KIAA1217: variants seen among roughly 807,000 people sequenced by gnomAD.
KIAA1217 encodes the protein KIAA1217.
A neutral mutation model predicts 163.9 loss-of-function variants in KIAA1217; 88 were observed. That is an observed-to-expected ratio of 0.54 (90% CI 0.45 to 0.64). The LOEUF (loss-of-function observed/expected upper bound fraction) is 0.64. KIAA1217 is among the 30% of genes least tolerant of loss of function. KIAA1217 has a pLI of 0.00. For synonymous variants in KIAA1217, 903 were observed against 923.1 expected (o/e 0.98, Z 0.39); for missense variants, 2,372 against 2,475.0 (o/e 0.96, Z 0.88).
At chr10:24,498,647 C>T (rs891438452) in intron 8 of KIAA1217, among the ~76,000 whole-genome samples, 2 of 151,998 alleles carry the variant, frequency 1.3e-5, no homozygotes, top group African/African-American at 2.4e-5. Flanking sequence ...GGCAAAACCC[C>T]GTCTCTACAA....
intron 1 of KIAA1217, among the ~76,000 whole-genome samples, chr10:23,955,628 G>A (rs1374947225): frequency 3.3e-5 from 5 of 152,152 alleles, no homozygotes; most frequent in East Asian, 3.8e-4. Context: ...GGAAGGCTGC[G>A]GGTGATGATG....
intron 1 of KIAA1217, among the ~76,000 whole-genome samples, chr10:23,704,253 C>T: frequency 7.7e-6 from 1 of 130,540 alleles, no homozygotes; most frequent in East Asian, 2.3e-4. Flanking sequence ...GACCCCAGGG[C>T]TTCTTTTTTT....
At chr10:24,016,218 T>G (rs1462528806) in intron 2 of KIAA1217, among the ~76,000 whole-genome samples, 1 of 152,152 alleles carries the variant, frequency 6.6e-6, no homozygotes, top group African/African-American at 2.4e-5. Flanking sequence ...TATTCTTTCT[T>G]TCTGTGTATT....
chr10:24,388,037 AG>A (rs2054269723), intron 3 of KIAA1217, among the ~76,000 whole-genome samples: 1 of 152,246 alleles, frequency 6.6e-6, no homozygotes, highest in Non-Finnish European at 1.5e-5. Flanking sequence ...CTTTCTTCAC[AG>A]AATTGGAAAA....
At chr10:24,438,564 T>A in intron 5 of KIAA1217, 85 bp downstream of exon 5, 1 of 886,190 alleles carries the variant, frequency 1.1e-6, no homozygotes, top group Non-Finnish European at 1.9e-6. Flanking sequence ...TAATCAGAAC[T>A]CTACAACTGA....
chr10:23,959,369 A>T (rs1010081983), intron 1 of KIAA1217, among the ~76,000 whole-genome samples: 2 of 152,184 alleles, frequency 1.3e-5, no homozygotes, highest in Admixed American at 1.3e-4. Context: ...ATCTCAGTTT[A>T]AAAATTAGCC....
intron 4 of KIAA1217, among the ~76,000 whole-genome samples, chr10:24,437,866 C>A (rs1429080592): frequency 8.2e-6 from 1 of 121,428 alleles, no homozygotes; most frequent in Non-Finnish European, 1.7e-5. Flanking sequence ...TTTCTGGACT[C>A]CAGATACCTT....
At chr10:24,133,055 A>C (rs1186940691) in intron 2 of KIAA1217, among the ~76,000 whole-genome samples, 1 of 151,904 alleles carries the variant, frequency 6.6e-6, no homozygotes, top group Non-Finnish European at 1.5e-5. Context: ...GATGCATCTA[A>C]TATGGCCACT....
chr10:23,729,257 A>C (rs1264423472), intron 1 of KIAA1217, among the ~76,000 whole-genome samples: 1 of 152,228 alleles, frequency 6.6e-6, no homozygotes, highest in East Asian at 1.9e-4. Context: ...TGCTATAAAC[A>C]TCTGGGTAGA....
intron 2 of KIAA1217, among the ~76,000 whole-genome samples, chr10:24,237,044 A>C (rs2072380993): frequency 6.6e-6 from 1 of 152,234 alleles, no homozygotes; most frequent in African/African-American, 2.4e-5. Flanking sequence ...GGTACCCATG[A>C]TGTTGCTAAA....
At chr10:23,913,809 A>G (rs1008570062) in intron 1 of KIAA1217, among the ~76,000 whole-genome samples, 6 of 152,044 alleles carry the variant, frequency 3.9e-5, no homozygotes, top group East Asian at 1.9e-4. Context: ...AAGGTGGACA[A>G]TCCCATGGGG....
intron 8 of KIAA1217, among the ~76,000 whole-genome samples, chr10:24,498,495 A>C (rs987697469): frequency 6.6e-6 from 1 of 152,168 alleles, no homozygotes; most frequent in African/African-American, 2.4e-5. Context: ...GTTATAGATG[A>C]AGATTTTTTT....
intron 1 of KIAA1217, among the ~76,000 whole-genome samples, chr10:24,006,558 C>T (rs1847007513): frequency 6.6e-6 from 1 of 152,184 alleles, no homozygotes. Context: ...TCTTCTGGGT[C>T]TCCTCAACAA....
Position 24,473,698 on chromosome 10 carries a change from A to G in KIAA1217, c.1317A>G (p.Ser439=), listed in dbSNP as rs765499833. The change falls in exon 6 of 21, where the codon TCA becomes TCG. Residue 439 remains serine, a synonymous_variant. Coordinates refer to ENST00000376454, the MANE Select transcript of KIAA1217 (RefSeq NM_019590.5). ...IRSASAYCNP[S]MQAEMHMEQS... ...CAGCGAGTGCTTATTGTAACCCCTC[A>G]ATGCAAGCGGAAATGCATATGGAAC... 2.5e-6 allele frequency: 4 copies of G among 1,614,026 alleles called. No homozygotes were observed. In the South Asian group the frequency reaches 4.4e-5, roughly 18 times the overall value.
chr10:23,793,898 C>T (rs371115612), intron 1 of KIAA1217, among the ~76,000 whole-genome samples: 63 of 152,260 alleles, frequency 4.1e-4, no homozygotes, highest in East Asian at 3.5e-3. Flanking sequence ...TTTCTCCCTA[C>T]GGTTCAAATG....
At chr10:24,340,671 C>T (rs11014038) in intron 2 of KIAA1217, among the ~76,000 whole-genome samples, 27,524 of 152,118 alleles carry the variant, frequency 0.18, 2,572 homozygotes, top group East Asian at 0.31. Flanking sequence ...CAAGGCTCCG[C>T]TGGCACAAGC....
intron 2 of KIAA1217, among the ~76,000 whole-genome samples, chr10:24,073,572 A>G (rs2061264937): frequency 1.3e-5 from 2 of 152,216 alleles, no homozygotes; most frequent in Admixed American, 1.3e-4. Context: ...AGCACTTGGC[A>G]TTTGAGATGG....
At chr10:23,911,503 T>C (rs1842428291) in intron 1 of KIAA1217, among the ~76,000 whole-genome samples, 1 of 152,200 alleles carries the variant, frequency 6.6e-6, no homozygotes, top group Non-Finnish European at 1.5e-5. Flanking sequence ...TTTTTATGTA[T>C]GTGTGTGTGT....
chr10:23,912,520 T>C (rs1378987385), intron 1 of KIAA1217, among the ~76,000 whole-genome samples: 1 of 152,112 alleles, frequency 6.6e-6, no homozygotes, highest in Non-Finnish European at 1.5e-5. Flanking sequence ...CCAGTGTCTG[T>C]TATTACTTTG....
Sources: gnomAD v4.1 joint callset for allele counts (sites outside exome capture counted in the v4.1 genomes callset) on GRCh38, gnomAD v4.1.1 for gene constraint, MANE v1.5 for transcripts, NCBI Gene and HGNC (gene_info 2026-07-23, HGNC 2026-07-21) for gene names.